DPH6: variants seen among roughly 807,000 people sequenced by gnomAD.
The protein encoded by DPH6 is diphthamine biosynthesis 6, also known as diphthine--ammonia ligase.
Under a neutral mutation model 38.2 loss-of-function variants are expected in DPH6, and 33 were observed. The observed-to-expected ratio is 0.86, with a 90% confidence interval of 0.65 to 1.15. The LOEUF is 1.15. Ranked by LOEUF, DPH6 falls within the 50% of genes most tolerant of loss-of-function variation. DPH6 has a pLI of 0.00. For synonymous variants in DPH6, 108 were observed against 103.0 expected (o/e 1.05, Z -0.30); for missense variants, 325 against 320.0 (o/e 1.02, Z -0.12).
At chr15:35,178,732 G>A in the DPH6 span, among the ~76,000 whole-genome samples, 1 of 152,184 alleles carries the variant, frequency 6.6e-6, no homozygotes, top group Non-Finnish European at 1.5e-5. Context: ...GTCAGAGCCA[G>A]AAGCTTCTCA....
intron 6 of DPH6, chr15:35,400,680 C>T: frequency 1.6e-6 from 1 of 643,076 alleles, no homozygotes. Context: ...GTCTCTCTTC[C>T]CCCTGCCATC....
intron 3 of DPH6, among the ~76,000 whole-genome samples, chr15:35,276,338 T>C (rs2051858986): frequency 6.6e-6 from 1 of 152,252 alleles, no homozygotes; most frequent in African/African-American, 2.4e-5. Flanking sequence ...TATTAGTCCT[T>C]TGTCAGATGT....
chr15:35,492,373 AT>A (rs2054495057), intron 3 of DPH6, among the ~76,000 whole-genome samples: 1 of 152,218 alleles, frequency 6.6e-6, no homozygotes, highest in African/African-American at 2.4e-5. Context: ...AAGGAAGATT[AT>A]TCATTTACCT....
chr15:35,471,001 A>G (rs1387416906), intron 3 of DPH6, among the ~76,000 whole-genome samples: 1 of 152,204 alleles, frequency 6.6e-6, no homozygotes, highest in African/African-American at 2.4e-5. Flanking sequence ...ACCTGAGTTA[A>G]AAAGCTCAGC....
At chr15:35,274,592 G>C (rs2051845210) in intron 3 of DPH6, among the ~76,000 whole-genome samples, 1 of 151,408 alleles carries the variant, frequency 6.6e-6, no homozygotes, top group Admixed American at 6.6e-5. Context: ...GATATGAACA[G>C]ACACTTCTCA....
At chr15:35,164,265 G>T in the DPH6 span, among the ~76,000 whole-genome samples, 1 of 151,746 alleles carries the variant, frequency 6.6e-6, no homozygotes, top group Admixed American at 6.6e-5. Flanking sequence ...TTTTATCAGG[G>T]CCAAATTTAG....
At chr15:35,363,471 A>G (rs1268578062) in intron 3 of DPH6, among the ~76,000 whole-genome samples, 2 of 152,054 alleles carry the variant, frequency 1.3e-5, no homozygotes, top group Non-Finnish European at 2.9e-5. Context: ...TGCATGGCAC[A>G]TGTTTTCACA....
At chr15:35,233,208 C>T (rs1252256920) in intron 3 of DPH6, among the ~76,000 whole-genome samples, 1 of 152,126 alleles carries the variant, frequency 6.6e-6, no homozygotes, top group African/African-American at 2.4e-5. Flanking sequence ...ACTCGGGAAT[C>T]TGAGGCAGTA....
intron 3 of DPH6, among the ~76,000 whole-genome samples, chr15:35,325,320 A>C (rs2052273453): frequency 6.6e-6 from 1 of 152,190 alleles, no homozygotes; most frequent in Non-Finnish European, 1.5e-5. Flanking sequence ...TTAAATATCA[A>C]GACTTACTTA....
At chr15:35,228,701 CTGAT>C (rs774076680) in intron 3 of DPH6, among the ~76,000 whole-genome samples, 1 of 152,146 alleles carries the variant, frequency 6.6e-6, no homozygotes, top group Non-Finnish European at 1.5e-5. Context: ...CCTTTTCTTT[CTGAT>C]TGAAATACTC....
intron 5 of DPH6, among the ~76,000 whole-genome samples, chr15:35,439,097 T>G (rs1486998827): frequency 6.6e-6 from 1 of 152,254 alleles, no homozygotes; most frequent in African/African-American, 2.4e-5. Flanking sequence ...TATGACGATC[T>G]CACCTCACGG....
At chr15:35,397,868 TACACACACAC>T (rs57530358) in intron 6 of DPH6, among the ~76,000 whole-genome samples, 72 of 87,310 alleles carry the variant, frequency 8.2e-4, no homozygotes, top group East Asian at 1.4e-3. Context: ...TTTATATATA[TACACACACAC>T]ACACACACAC....
chr15:35,277,487 T>C (rs1399965763), intron 3 of DPH6, among the ~76,000 whole-genome samples: 1 of 152,076 alleles, frequency 6.6e-6, no homozygotes, highest in African/African-American at 2.4e-5. Flanking sequence ...ATACTGAAAA[T>C]TGGTACCAGG....
At chr15:35,157,292 T>A in the DPH6 span, among the ~76,000 whole-genome samples, 3 of 152,174 alleles carry the variant, frequency 2.0e-5, no homozygotes, top group Non-Finnish European at 4.4e-5. Flanking sequence ...GTACTCCATA[T>A]CAAATTCAGA....
chr15:35,204,056 C>T, the DPH6 span, among the ~76,000 whole-genome samples: 1 of 151,714 alleles, frequency 6.6e-6, no homozygotes, highest in Non-Finnish European at 1.5e-5. Flanking sequence ...TAGCAATCCT[C>T]TAAACTTGAA....
In DPH6 at chr15:35,357,451, C is replaced by A. The variant is rs193086008; in HGVS notation, n.207+16070G>T. Among the ~76,000 whole-genome samples the A allele has an allele frequency of 2.5e-3, 387 of 152,190 alleles. 1 individual carries two copies. Among genetic ancestry groups the A allele is most frequent in the African/African-American group, 8.9e-3 (368 of 41,546 alleles). ...TCTGTGTATTTTATTTTTGTTTTTG[C>A]TTTTTAACTTGTATTTTGTTTATAG... On this transcript the variant is annotated intron_variant and non_coding_transcript_variant, in intron 3 of 3. Coordinates refer to the DPH6 transcript ENST00000558973.
chr15:35,366,503 A>T (rs1476402076), downstream of DPH6, among the ~76,000 whole-genome samples: 1 of 151,948 alleles, frequency 6.6e-6, no homozygotes, highest in Non-Finnish European at 1.5e-5. Flanking sequence ...ATTTAAAAAA[A>T]TTAAAAATAC....
At chr15:35,192,603 T>C in the DPH6 span, among the ~76,000 whole-genome samples, 1 of 152,190 alleles carries the variant, frequency 6.6e-6, no homozygotes, top group Admixed American at 6.5e-5. Flanking sequence ...GGGATTAAGC[T>C]TGAGTATTAA....
At chr15:35,362,923 C>T (rs989251041) in intron 3 of DPH6, among the ~76,000 whole-genome samples, 2 of 152,148 alleles carry the variant, frequency 1.3e-5, no homozygotes, top group Non-Finnish European at 2.9e-5. Flanking sequence ...GGTCACTTCC[C>T]ACTCTGCGAT....
Sources: gnomAD v4.1 joint callset for allele counts (sites outside exome capture counted in the v4.1 genomes callset) on GRCh38, gnomAD v4.1.1 for gene constraint, MANE v1.5 for transcripts, NCBI Gene and HGNC (gene_info 2026-07-23, HGNC 2026-07-21) for gene names.